RTN2: variants seen among roughly 807,000 people sequenced by gnomAD.
The protein encoded by RTN2 is reticulon 2.
In RTN2, 36 loss-of-function variants were observed where a neutral mutation model predicts 63.7. That is an observed-to-expected ratio of 0.56 (90% CI 0.43 to 0.75). The LOEUF (loss-of-function observed/expected upper bound fraction) is 0.75. Ranked by LOEUF, RTN2 falls within the 30% of genes least tolerant of loss-of-function variation. The probability of loss-of-function intolerance (pLI) is 0.00; values close to 1 mark genes in which losing one functional copy is unlikely to be tolerated. For synonymous variants in RTN2, 312 were observed against 313.0 expected (o/e 1.00, Z 0.03); for missense variants, 673 against 705.1 (o/e 0.95, Z 0.52).
At chr19:45,490,570 T>C (rs1968135353) in intron 5 of RTN2, among the ~76,000 whole-genome samples, 1 of 147,208 alleles carries the variant, frequency 6.8e-6, no homozygotes, top group African/African-American at 2.5e-5. Flanking sequence ...TGTGTGTGTG[T>C]TTTGTTTTTG....
chr19:45,488,570 C>T, intron 8 of RTN2, 53 bp from the exon 9 acceptor site: 4 of 1,613,326 alleles, frequency 2.5e-6, no homozygotes, highest in Non-Finnish European at 3.4e-6. Flanking sequence ...TGAACAGTTC[C>T]ATCTGGAGCC....
At chr19:45,491,504 G>A (rs912354187) in intron 5 of RTN2, among the ~76,000 whole-genome samples, 2 of 150,312 alleles carry the variant, frequency 1.3e-5, no homozygotes, top group African/African-American at 4.9e-5. Flanking sequence ...GGGATCACAG[G>A]CATGAGCTGC....
chr19:45,494,114 T>C lies in RTN2; in HGVS notation c.814+52A>G, dbSNP rs760152677. 38 of 1,584,176 alleles carry C rather than the reference T, an allele frequency of 2.4e-5. No individual in the cohort carries two copies. The African/African-American group carries it at 4.4e-4, about 19-fold the overall frequency. The stretch of plus-strand genomic sequence containing the variant: ...TTGGTCCCTTTAATTCAAAATCCTC[T>C]CACCTTTTGCCTTCTGTGGGCCAAT... On this transcript the variant is annotated intron_variant, in intron 4 of 10. Transcript: ENST00000245923. This position sits in a 1 kb window ranked among gnomAD's most constrained non-coding sequence, Gnocchi z 5.3.
intron 4 of RTN2, among the ~76,000 whole-genome samples, chr19:45,493,603 G>T (rs1323726554): frequency 6.8e-6 from 1 of 147,656 alleles, no homozygotes. Flanking sequence ...CCAAAAAGAA[G>T]AGTTTTTAAA....
Position 45,485,618 on chromosome 19 carries a change from AG to A in RTN2, c.*89del, listed in dbSNP as rs1599903220. 4.9e-6 allele frequency: 5 copies of A among 1,018,134 alleles called. No homozygotes were observed. Among genetic ancestry groups the A allele is most frequent in the Admixed American group, 1.8e-5 (1 of 56,628 alleles). 63.1% of individuals were successfully genotyped at this position (1,018,134 alleles called of 1,614,324 possible). ...CACCGGGAAAAGGCTCGGGCCGAGG[AG>A]GGGGGTGGGTGGGAACGGACAAGAG... On this transcript the variant is annotated 3_prime_UTR_variant, in exon 11 of 11. Coordinates refer to ENST00000245923, the MANE Select transcript of RTN2 (RefSeq NM_005619.5).
chr19:45,489,347 G>T lies in RTN2; in HGVS notation c.1240C>A (p.Gln414Lys), dbSNP rs61729959. 6.4e-7 allele frequency: 1 copy of T among 1,560,206 alleles called. No individual in the cohort carries two copies. The highest frequency in any genetic ancestry group is 1.4e-5 in the African/African-American group (1 of 73,710). ...AGGTCAGGGGCCGGGGGTTCTCACT[G>T]GAAAGGGTTGGCTCCATCCCCCCGG... is the stretch of plus-strand genomic sequence containing the variant. ...VHRGDGANPF[Q>K]AYLDVDLTLT... is the part of the protein sequence containing the mutation. The change falls in exon 6 of 11, where the codon CAG becomes AAG. Residue 414 changes from glutamine (Q) to lysine (K), a missense_variant and splice_region_variant. By Grantham distance (53) the Gln-to-Lys change is moderately conservative. Coordinates refer to ENST00000245923, the MANE Select transcript of RTN2 (RefSeq NM_005619.5).
At chr19:45,492,758 T>C (rs971534655) in intron 5 of RTN2, among the ~76,000 whole-genome samples, 4 of 151,974 alleles carry the variant, frequency 2.6e-5, no homozygotes, top group African/African-American at 7.2e-5. Flanking sequence ...TCCCTCCCCA[T>C]AGCAGGGCCC....
chr19:45,487,610 G>T (rs1206267655), intron 9 of RTN2, among the ~76,000 whole-genome samples: 2 of 110,976 alleles, frequency 1.8e-5, no homozygotes, highest in Non-Finnish European at 3.5e-5. Flanking sequence ...TTTTGAGACA[G>T]ACTCTTGCTC....
intron 9 of RTN2, among the ~76,000 whole-genome samples, chr19:45,486,933 C>T (rs1968035821): frequency 6.8e-6 from 1 of 147,610 alleles, no homozygotes; most frequent in Admixed American, 6.8e-5. Flanking sequence ...CAGGGTTTTA[C>T]CATGTTGGCC....
Position 45,486,077 on chromosome 19 carries a change from G to C in RTN2, c.1534C>G (p.Gln512Glu). 6.2e-7 allele frequency: 1 copy of C among 1,614,070 alleles called. No homozygotes were observed. The highest frequency in any genetic ancestry group is 8.5e-7 in the Non-Finnish European group (1 of 1,179,996). ...TACTTAGCTTTGATGTGGCTCAACT[G>C]ATTGGTCACCAACCCCACATATTGG... is the stretch of plus-strand genomic sequence containing the variant. ...IDQYVGLVTNQLSHIKAKIRA... is the reference protein window; with the variant it reads ...IDQYVGLVTNELSHIKAKIRA... The change falls in exon 10 of 11, where the codon CAG becomes GAG. Residue 512 changes from glutamine to glutamate, a missense_variant. Coordinates refer to ENST00000245923, the MANE Select transcript of RTN2 (RefSeq NM_005619.5).
In RTN2 at chr19:45,494,902, C is replaced by T; in HGVS notation, c.183G>A (p.Glu61=). The stretch of plus-strand genomic sequence containing the variant: ...CAAAGGCGATGTAGGAGAAGGTCAG[C>T]TCCCGGGGGGTGCCCCAGTCCTGCG... ...TTSQDWGTPR[E]LTFSYIAFDG... Residue 61 remains glutamate (E), a synonymous_variant, in exon 3 of 11, where the codon GAG becomes GAA. Transcript: ENST00000245923. This position sits in a 1 kb window ranked among gnomAD's most constrained non-coding sequence, Gnocchi z 5.3. 6.2e-7 allele frequency: 1 copy of T among 1,612,540 alleles called. No homozygotes were observed.
At chr19:45,485,821 G>A (rs768192839) in intron 10 of RTN2, 32 bp from the exon 11 acceptor site, 10 of 1,573,852 alleles carry the variant, frequency 6.4e-6, no homozygotes, top group African/African-American at 2.7e-5. Context: ...TCACGAGGTG[G>A]GGCAAGAGAC....
intron 7 of RTN2, 44 bp from the exon 8 acceptor site, chr19:45,488,750 C>T: frequency 1.2e-6 from 2 of 1,605,324 alleles, no homozygotes; most frequent in South Asian, 1.1e-5. Context: ...CGGGAATTCC[C>T]TCTCATGCTG....
intron 2 of RTN2, 37 bp from the exon 3 acceptor site, chr19:45,495,042 A>C (rs754202901): frequency 3.1e-6 from 5 of 1,614,146 alleles, no homozygotes; most frequent in Non-Finnish European, 4.2e-6. Context: ...TTCCCTCAGC[A>C]GGTCCCTGAG....
In RTN2 at chr19:45,489,491, C is replaced by A. The variant is rs757181943; in HGVS notation, c.1096G>T (p.Val366Phe). Residue 366 changes from valine to phenylalanine, a missense_variant, in exon 6 of 11, where the codon GTC becomes TTC. Val to Phe is a conservative substitution (Grantham distance 50). Transcript: ENST00000245923. Reference protein sequence around the residue: ...TSGVVFTGLMVSLLCLLHFSI... With the variant: ...TSGVVFTGLMFSLLCLLHFSI... ...AAGTGCAGGAGGCAGAGGAGGGAGA[C>A]CATCAGGCCTGTGAAGACCACTCCT... The A allele has an allele frequency of 2.5e-6, 4 of 1,612,680 alleles. No homozygotes were observed. The African/African-American group carries it at 5.3e-5, about 22-fold the overall frequency.
intron 1 of RTN2, 37 bp downstream of exon 1, chr19:45,496,755 T>C: frequency 6.9e-7 from 1 of 1,441,714 alleles, no homozygotes; most frequent in Non-Finnish European, 9.3e-7. Context: ...CCTGAACCTC[T>C]GGGGCCCACA....
chr19:45,491,096 G>A (rs890777149), intron 5 of RTN2, among the ~76,000 whole-genome samples: 1 of 151,522 alleles, frequency 6.6e-6, no homozygotes, highest in African/African-American at 2.4e-5. Context: ...CACCGTGTTA[G>A]CCAGGATGGT....
At chr19:45,493,885 T>C in intron 4 of RTN2, 1 of 418,060 alleles carries the variant, frequency 2.4e-6, no homozygotes, top group Non-Finnish European at 4.4e-6. Flanking sequence ...AGACGGGGTT[T>C]CACCATGTTG....
At chr19:45,489,933 T>C (rs11882534) in intron 5 of RTN2, among the ~76,000 whole-genome samples, 75,409 of 151,850 alleles carry the variant, frequency 0.5, 18,966 homozygotes, top group East Asian at 0.56. Context: ...GTTATCCTCC[T>C]GCATCAGCCC....
Sources: allele counts gnomAD v4.1 joint callset (sites outside exome capture counted in the v4.1 genomes callset), GRCh38; gene constraint gnomAD v4.1.1; non-coding constraint Gnocchi (gnomAD v3.1); transcripts MANE v1.5; gene names NCBI Gene and HGNC (gene_info 2026-07-23, HGNC 2026-07-21).